ITPR1: variants seen among roughly 807,000 people sequenced by gnomAD.
The protein encoded by ITPR1 is inositol 1,4,5-trisphosphate receptor type 1.
A neutral mutation model predicts 318.4 loss-of-function variants in ITPR1; 96 were observed. The ratio of observed to expected loss-of-function variants is 0.30; its 90% CI spans 0.26 to 0.36. The LOEUF is 0.36. ITPR1 is among the 10% of genes least tolerant of loss of function. The pLI, the probability that ITPR1 is intolerant of heterozygous loss-of-function variation, is 1.00. For missense variants in ITPR1, 2,440 were observed against 3,460.2 expected (o/e 0.71, Z 7.40); for synonymous variants, 1,312 against 1,289.9 (o/e 1.02, Z -0.37).
chr3:4,502,122 CATTT>C (rs1377073362), intron 2 of ITPR1, among the ~76,000 whole-genome samples: 3 of 152,344 alleles, frequency 2.0e-5, no homozygotes, highest in South Asian at 2.1e-4. Flanking sequence ...GACGGACATT[CATTT>C]GTTTGCCTTG....
chr3:4,555,793 C>T (rs563514939), intron 4 of ITPR1, among the ~76,000 whole-genome samples: 41 of 152,256 alleles, frequency 2.7e-4, no homozygotes, highest in Non-Finnish European at 5.9e-4. Context: ...CTTTTGTGCC[C>T]CTTGCTATTC....
At chr3:4,657,660 G>A (rs767070047) in intron 12 of ITPR1, among the ~76,000 whole-genome samples, 8 of 152,034 alleles carry the variant, frequency 5.3e-5, no homozygotes, top group Non-Finnish European at 1.2e-4. Flanking sequence ...TATTGACGGG[G>A]TTTATATTGG....
chr3:4,686,099 G>A (rs373495422), intron 30 of ITPR1, among the ~76,000 whole-genome samples: 4 of 152,314 alleles, frequency 2.6e-5, no homozygotes, highest in African/African-American at 9.6e-5. Flanking sequence ...GAGATGGGTG[G>A]TGCTATCTTT....
At chr3:4,621,739 C>T (rs2092642753) in intron 4 of ITPR1, among the ~76,000 whole-genome samples, 1 of 152,224 alleles carries the variant, frequency 6.6e-6, no homozygotes, top group African/African-American at 2.4e-5. Context: ...TACTACCAGT[C>T]CTGCTTTTCT....
At chr3:4,500,251 G>T (rs1232509384) in intron 2 of ITPR1, among the ~76,000 whole-genome samples, 1 of 152,234 alleles carries the variant, frequency 6.6e-6, no homozygotes. Flanking sequence ...CCAGGCTGGA[G>T]TGCAGTGGCA....
intron 4 of ITPR1, among the ~76,000 whole-genome samples, chr3:4,564,541 CTA>C: frequency 6.6e-6 from 1 of 152,122 alleles, no homozygotes; most frequent in East Asian, 1.9e-4. Flanking sequence ...CCTGAAATTC[CTA>C]TGTTGAAACC....
At chr3:4,540,434 CT>C (rs2124973603) in intron 4 of ITPR1, among the ~76,000 whole-genome samples, 1 of 152,298 alleles carries the variant, frequency 6.6e-6, no homozygotes, top group Non-Finnish European at 1.5e-5. Flanking sequence ...CTCTGACCAT[CT>C]TTGTCTATTA....
chr3:4,655,371 C>A (rs140108871), intron 12 of ITPR1, among the ~76,000 whole-genome samples: 1,676 of 152,140 alleles, frequency 0.011, 36 homozygotes, highest in African/African-American at 0.038. Flanking sequence ...CCTCCTGGTA[C>A]AGGAGGGAAG....
intron 4 of ITPR1, among the ~76,000 whole-genome samples, chr3:4,602,159 A>ATATG (rs1478125236): frequency 6.6e-6 from 1 of 152,236 alleles, no homozygotes; most frequent in East Asian, 1.9e-4. Context: ...TAGAGTTACT[A>ATATG]TATGATTCAG....
intron 52 of ITPR1, among the ~76,000 whole-genome samples, chr3:4,792,615 C>A (rs540532096): frequency 6.6e-6 from 1 of 152,166 alleles, no homozygotes; most frequent in South Asian, 2.1e-4. Context: ...AGGTCCCCTC[C>A]ACACGGACCT....
At chr3:4,689,126 C>T (rs112953149) in intron 31 of ITPR1, among the ~76,000 whole-genome samples, 41 of 152,280 alleles carry the variant, frequency 2.7e-4, no homozygotes, top group African/African-American at 7.2e-4. Context: ...GCTTTTTTCA[C>T]TTAACACATT....
intron 8 of ITPR1, among the ~76,000 whole-genome samples, chr3:4,644,735 G>A (rs2093417217): frequency 6.6e-6 from 1 of 152,290 alleles, no homozygotes; most frequent in South Asian, 2.1e-4. Flanking sequence ...TTTGTCTGAT[G>A]GGTAAAGACA....
intron 44 of ITPR1, among the ~76,000 whole-genome samples, chr3:4,757,503 A>T (rs752620319): frequency 2.7e-4 from 41 of 152,176 alleles, no homozygotes; most frequent in Non-Finnish European, 2.5e-4. Context: ...AAATGCCAAA[A>T]GGTGTTCAGA....
At chr3:4,690,330 T>G (rs1427325296) in intron 31 of ITPR1, among the ~76,000 whole-genome samples, 2 of 152,176 alleles carry the variant, frequency 1.3e-5, no homozygotes, top group African/African-American at 4.8e-5. Context: ...ACAGACACCC[T>G]GTTGGAGAGG....
chr3:4,611,703 G>A (rs577001685), intron 4 of ITPR1, among the ~76,000 whole-genome samples: 2 of 152,106 alleles, frequency 1.3e-5, no homozygotes, highest in Non-Finnish European at 2.9e-5. Context: ...CTGAGATCAT[G>A]CCACTGCACT....
intron 18 of ITPR1, among the ~76,000 whole-genome samples, chr3:4,668,894 G>A (rs1455471403): frequency 6.6e-6 from 1 of 152,210 alleles, no homozygotes; most frequent in African/African-American, 2.4e-5. Context: ...TCTATTGATT[G>A]TATCTCATTC....
intron 4 of ITPR1, among the ~76,000 whole-genome samples, chr3:4,571,909 G>T (rs2088043734): frequency 6.6e-6 from 1 of 152,010 alleles, no homozygotes; most frequent in South Asian, 2.1e-4. Context: ...ATGACCCCTT[G>T]TGGCCACATC....
At chr3:4,561,672 G>T (rs1248160291) in intron 4 of ITPR1, among the ~76,000 whole-genome samples, 2 of 152,012 alleles carry the variant, frequency 1.3e-5, no homozygotes, top group Non-Finnish European at 2.9e-5. Flanking sequence ...TTGGCCTGGG[G>T]ACTTCTTTAT....
intron 2 of ITPR1, among the ~76,000 whole-genome samples, chr3:4,512,872 A>AG: frequency 6.6e-6 from 1 of 152,278 alleles, no homozygotes; most frequent in East Asian, 1.9e-4. Flanking sequence ...ATAAGAGCTT[A>AG]GGGGCAGAGA....
Sources: allele counts gnomAD v4.1 joint callset (sites outside exome capture counted in the v4.1 genomes callset), GRCh38; gene constraint gnomAD v4.1.1; transcripts MANE v1.5; gene names NCBI Gene and HGNC (gene_info 2026-07-23, HGNC 2026-07-21).